The following TTC7B variants were observed in gnomAD, a reference collection of about 807,000 sequenced individuals.
The protein encoded by TTC7B is tetratricopeptide repeat domain 7B.
A neutral mutation model predicts 106.8 loss-of-function variants in TTC7B; 28 were observed. That is an observed-to-expected ratio of 0.26 (90% CI 0.19 to 0.36). The LOEUF (loss-of-function observed/expected upper bound fraction) is 0.36. TTC7B is among the 10% of genes least tolerant of loss of function. The pLI is 1.00. For missense variants in TTC7B, 862 were observed against 1,076.4 expected, an observed-to-expected ratio of 0.80 and a Z score of 2.79; for synonymous variants, 405 against 430.6, an observed-to-expected ratio of 0.94 and a Z score of 0.74.
intron 19 of TTC7B, among the ~76,000 whole-genome samples, chr14:90,542,941 C>G (rs1211221523): frequency 6.6e-6 from 1 of 152,186 alleles, no homozygotes; most frequent in Non-Finnish European, 1.5e-5. Flanking sequence ...CAAAGGTTGC[C>G]TCACTTTTTC....
At chr14:90,666,441 G>A (rs1219098072) in intron 9 of TTC7B, among the ~76,000 whole-genome samples, 2 of 152,172 alleles carry the variant, frequency 1.3e-5, no homozygotes, top group African/African-American at 4.8e-5. Flanking sequence ...GATTACAGGT[G>A]TGAGCCACCA....
rs903401028 is a variant in TTC7B, at chr14:90,533,257, C to T, written c.*8111G>A. On this transcript the variant is annotated 3_prime_UTR_variant, in exon 20 of 20. Coordinates refer to ENST00000328459, the MANE Select transcript of TTC7B (RefSeq NM_001010854.2). ...GACCCTCCTCAGGCCTTGGCTGGAC[C>T]CAGGGCCCGAGGATGACCCTGTGGG... The T allele has an allele frequency of 6.6e-6, 1 of 152,262 alleles. No homozygotes were observed. Among genetic ancestry groups the T allele is most frequent in the Admixed American group, 6.5e-5 (1 of 15,286 alleles). The allele number at this position is 152,262 out of a possible 1,614,324, so 9.4% of individuals were successfully genotyped here.
chr14:90,787,356 C>A (rs1055997414), intron 1 of TTC7B, among the ~76,000 whole-genome samples: 24 of 152,170 alleles, frequency 1.6e-4, no homozygotes, highest in African/African-American at 5.3e-4. Flanking sequence ...AACTCATACA[C>A]CAGCCTAAGC....
chr14:90,780,566 A>T (rs1891184867), intron 3 of TTC7B, among the ~76,000 whole-genome samples, 172 bp downstream of exon 3: 1 of 152,202 alleles, frequency 6.6e-6, no homozygotes, highest in African/African-American at 2.4e-5. Context: ...GGAGGGACAA[A>T]TCCCTGCTGG....
intron 5 of TTC7B, among the ~76,000 whole-genome samples, chr14:90,712,621 A>C (rs1228770166): frequency 6.6e-6 from 1 of 152,216 alleles, no homozygotes; most frequent in East Asian, 1.9e-4. Context: ...AAATCAAAGA[A>C]GATCTAAATA....
intron 5 of TTC7B, among the ~76,000 whole-genome samples, chr14:90,701,690 G>A (rs1749701): frequency 7.1e-3 from 553 of 77,628 alleles, no homozygotes; most frequent in African/African-American, 0.025. Flanking sequence ...CAAAAGAAAC[G>A]TATATATATA....
chr14:90,630,551 C>T (rs973245913), intron 15 of TTC7B, among the ~76,000 whole-genome samples: 1 of 152,202 alleles, frequency 6.6e-6, no homozygotes. Context: ...GCATTGTGTA[C>T]ATTCACACTG....
chr14:90,597,453 T>C (rs1595191037), intron 17 of TTC7B, among the ~76,000 whole-genome samples: 1 of 151,730 alleles, frequency 6.6e-6, no homozygotes, highest in South Asian at 2.1e-4. Flanking sequence ...AGGTCAGGAG[T>C]TTGAGACCAG....
chr14:90,618,142 G>A (rs564241320), intron 15 of TTC7B, 97 bp from the exon 16 acceptor site: 7 of 843,632 alleles, frequency 8.3e-6, no homozygotes, highest in Admixed American at 2.1e-5. Context: ...AGAAGCAGCT[G>A]TACTCATTTC....
chr14:90,669,945 C>T (rs900751621), intron 9 of TTC7B, among the ~76,000 whole-genome samples: 47 of 152,212 alleles, frequency 3.1e-4, no homozygotes, highest in African/African-American at 1.1e-3. Context: ...CCCAAAAGAA[C>T]TGAAAAAAGG....
At chr14:90,800,128 G>A (rs1286330) in intron 1 of TTC7B, among the ~76,000 whole-genome samples, 2 of 151,874 alleles carry the variant, frequency 1.3e-5, no homozygotes, top group South Asian at 2.1e-4. Flanking sequence ...CACCACGCCC[G>A]GCCTGATCTA....
rs1278728019 is a variant in TTC7B at position 90,767,039 on chromosome 14, AAAAAAAG to A, written c.445+13692_445+13698del. ...AATAGTTTATATACCAAAAAAAAAAAAAAAAAGAAAGAAAGGAAGAAAAGAAATTCTG... is the reference window on the plus strand; with the variant it reads ...AATAGTTTATATACCAAAAAAAAAAAAAAGAAAGGAAGAAAAGAAATTCTG... On this transcript the variant is annotated intron_variant, in intron 3 of 19. Coordinates refer to ENST00000328459, the MANE Select transcript of TTC7B (RefSeq NM_001010854.2). The A allele has an allele frequency of 1.4e-3, 1,162 of 834,492 alleles. 8 individuals are homozygous for A. In the African/African-American group the frequency reaches 0.019, roughly 13 times the overall value. 51.7% of individuals were successfully genotyped at this position (834,492 alleles called of 1,614,324 possible).
At chr14:90,616,530 G>T in intron 16 of TTC7B, among the ~76,000 whole-genome samples, 1 of 151,884 alleles carries the variant, frequency 6.6e-6, no homozygotes, top group East Asian at 1.9e-4. Flanking sequence ...TGGGGGCTGG[G>T]GCTGCCTGGC....
chr14:90,649,363 C>T (rs1190559316), intron 13 of TTC7B, among the ~76,000 whole-genome samples: 2 of 150,294 alleles, frequency 1.3e-5, no homozygotes, highest in Non-Finnish European at 3.0e-5. Context: ...TGCTAAAATA[C>T]TTGCTTCCCG....
chr14:90,717,196 G>T (rs938111152), intron 5 of TTC7B, among the ~76,000 whole-genome samples: 8 of 151,918 alleles, frequency 5.3e-5, no homozygotes, highest in Admixed American at 3.9e-4. Flanking sequence ...AAAATTAGCC[G>T]GGCATGGTGG....
At chr14:90,703,251 G>A (rs1293323984) in intron 5 of TTC7B, among the ~76,000 whole-genome samples, 1 of 152,162 alleles carries the variant, frequency 6.6e-6, no homozygotes, top group Non-Finnish European at 1.5e-5. Flanking sequence ...GCAGAAAAAA[G>A]ACAATCTGGA....
In TTC7B at chr14:90,578,532, G is replaced by A. The variant is rs926356014; in HGVS notation, c.2108-224C>T. On this transcript the variant is annotated intron_variant, in intron 18 of 19. Transcript: ENST00000328459. The surrounding 1 kb of genome is among the most constrained non-coding windows in gnomAD (Gnocchi z 4.7). ...TGTGGGCCTTGCAGGGCAGGCATAG[G>A]TCACCACCAGGCAGGGAGCAGTGAG... 2.0e-5 allele frequency among the ~76,000 whole-genome samples: 3 copies of A among 152,040 alleles called. No homozygotes were observed. The highest frequency in any genetic ancestry group is 6.5e-5 in the Admixed American group (1 of 15,282).
intron 9 of TTC7B, among the ~76,000 whole-genome samples, chr14:90,668,357 G>GGGCA (rs1296970067): frequency 1.3e-5 from 2 of 152,132 alleles, no homozygotes; most frequent in East Asian, 3.9e-4. Context: ...GAGTAGCCAA[G>GGGCA]TATATTTCTC....
chr14:90,588,827 A>C (rs1189812111), intron 18 of TTC7B, among the ~76,000 whole-genome samples: 1 of 151,782 alleles, frequency 6.6e-6, no homozygotes, highest in African/African-American at 2.4e-5. Flanking sequence ...GGAGGCACAG[A>C]TGCCGTAAGA....
Sources: allele counts gnomAD v4.1 joint callset (sites outside exome capture counted in the v4.1 genomes callset), GRCh38; gene constraint gnomAD v4.1.1; non-coding constraint Gnocchi (gnomAD v3.1); transcripts MANE v1.5; gene names NCBI Gene and HGNC (gene_info 2026-07-23, HGNC 2026-07-21).